Variants in TFB1M observed in about 807,000 individuals in gnomAD.
The protein encoded by TFB1M is dimethyladenosine transferase 1, mitochondrial.
TFB1M carries 27 observed loss-of-function variants against 31.1 expected under a neutral mutation model. The observed-to-expected ratio is 0.87, with a 90% confidence interval of 0.64 to 1.20. TFB1M has a LOEUF of 1.20. Among genes scored for constraint, TFB1M ranks in the 50% most tolerant of loss-of-function variants. TFB1M has a pLI of 0.00. For synonymous variants in TFB1M, 166 were observed against 151.8 expected, an observed-to-expected ratio of 1.09 and a Z score of -0.69; for missense variants, 394 against 418.7, an observed-to-expected ratio of 0.94 and a Z score of 0.51.
intron 5 of TFB1M, among the ~76,000 whole-genome samples, chr6:155,273,058 T>C (rs1418444631): frequency 1.3e-5 from 2 of 152,212 alleles, no homozygotes; most frequent in African/African-American, 4.8e-5. Context: ...GAAGAATCCC[T>C]AAGCTGAAAA....
At chr6:155,290,517 ATAAAT>A (rs1176445551) in intron 4 of TFB1M, among the ~76,000 whole-genome samples, 3 of 152,142 alleles carry the variant, frequency 2.0e-5, no homozygotes, top group African/African-American at 7.2e-5. Flanking sequence ...AAGGCATTCC[ATAAAT>A]TATAGACTCT....
chr6:155,297,065 C>G lies in TFB1M; in HGVS notation c.434G>C (p.Ser145Thr). 1 of 1,613,858 alleles carries G rather than the reference C, an allele frequency of 6.2e-7. No homozygotes were observed. Among genetic ancestry groups the G allele is most frequent in the Non-Finnish European group, 8.5e-7 (1 of 1,179,984 alleles). The change falls in exon 4 of 7, where the codon AGT becomes ACT. Residue 145 changes from serine to threonine, a missense_variant. By Grantham distance (58) the Ser-to-Thr change is moderately conservative (BLOSUM62 1). Transcript: ENST00000367166. ...CTTGATAATCAGTGGAGTTGAAACA[C>G]TAAAAGGCAGATTTCCAATAATATG... ...NVHIIGNLPF[S>T]VSTPLIIKWL...
At chr6:155,306,437 T>C (rs1344128773) in intron 2 of TFB1M, among the ~76,000 whole-genome samples, 2 of 152,158 alleles carry the variant, frequency 1.3e-5, no homozygotes, top group Non-Finnish European at 2.9e-5. Flanking sequence ...CATAAAAGCT[T>C]TATTACAGTA....
chr6:155,261,687 ACAAT>A (rs1034363795), intron 5 of TFB1M, among the ~76,000 whole-genome samples: 62 of 152,144 alleles, frequency 4.1e-4, no homozygotes, highest in African/African-American at 1.5e-3. Context: ...CCCTATTTAA[ACAAT>A]CAATGAGCCT....
intron 5 of TFB1M, chr6:155,276,484 A>T: frequency 9.7e-7 from 1 of 1,031,038 alleles, no homozygotes; most frequent in Non-Finnish European, 1.4e-6. Flanking sequence ...AAGAAAGTAG[A>T]ATGTAAAATA....
At chr6:155,284,018 T>C (rs981042910) in intron 5 of TFB1M, among the ~76,000 whole-genome samples, 3 of 152,236 alleles carry the variant, frequency 2.0e-5, no homozygotes. Flanking sequence ...AAGTCTGAGA[T>C]GCTGAAGGGA....
At chr6:155,307,909 G>GA (rs59955607) in intron 2 of TFB1M, among the ~76,000 whole-genome samples, 297 of 128,176 alleles carry the variant, frequency 2.3e-3, no homozygotes, top group Middle Eastern at 0.012. Flanking sequence ...AAAATAAACA[G>GA]AAAAAAAAAA....
At chr6:155,248,010 C>G in the TFB1M span, 1 of 1,613,998 alleles carries the variant, frequency 6.2e-7, no homozygotes, top group Non-Finnish European at 8.5e-7. Context: ...CTAAAACTGA[C>G]AAAGCCTTCA....
chr6:155,260,331 C>T lies in TFB1M; in HGVS notation c.736G>A (p.Glu246Lys), dbSNP rs1365329640. ...PKIEQPFKLVEKVVQNVFQFR... is the reference protein window; with the variant it reads ...PKIEQPFKLVKKVVQNVFQFR... ...TGAAATACATTCTGAACCACTTTTT[C>T]CACCAGCTTGAATGGCTGCTCTATC... Residue 246 changes from glutamate to lysine, a missense_variant, in exon 6 of 7, where the codon GAA becomes AAA. Glu to Lys is a moderately conservative substitution (Grantham distance 56). Coordinates refer to ENST00000367166, the MANE Select transcript of TFB1M (RefSeq NM_016020.4). The T allele has an allele frequency of 1.9e-6, 3 of 1,614,220 alleles. No individual in the cohort carries two copies. The African/African-American group carries it at 4.0e-5, about 22-fold the overall frequency.
At chr6:155,303,969 C>T (rs1582875616) in intron 2 of TFB1M, among the ~76,000 whole-genome samples, 2 of 152,108 alleles carry the variant, frequency 1.3e-5, no homozygotes, top group Non-Finnish European at 2.9e-5. Flanking sequence ...TGCTCAATCC[C>T]ATGAACTTTC....
At position 155,298,513 on chromosome 6, in the gene TFB1M, C is replaced by G. The variant is rs144355958; in HGVS notation, c.358G>C (p.Ala120Pro). ...GGTCTTTTAAGACTTTCTGAAAAAG[C>G]CTTTTCTACCTTAAATGTCAAGACA... Reference protein sequence around the residue: ...GDVLTFKVEKAFSESLKRPWE... With the variant: ...GDVLTFKVEKPFSESLKRPWE... The change falls in exon 3 of 7, where the codon GCT becomes CCT. Residue 120 changes from alanine to proline, a missense_variant. This residue lies in a region of TFB1M where 273 missense variants were observed against 256.4 expected (regional missense o/e 1.06). Transcript: ENST00000367166. 48 of 1,612,640 alleles carry G rather than the reference C, an allele frequency of 3.0e-5. No homozygotes were observed. The Middle Eastern group carries it at 6.6e-4, about 22-fold the overall frequency.
chr6:155,244,463 T>C, the TFB1M span, among the ~76,000 whole-genome samples: 1 of 152,234 alleles, frequency 6.6e-6, no homozygotes, highest in Non-Finnish European at 1.5e-5. Context: ...TAGAGAATTA[T>C]GGGGGATGGA....
intron 5 of TFB1M, among the ~76,000 whole-genome samples, chr6:155,280,223 A>T (rs752677324): frequency 3.3e-5 from 5 of 152,242 alleles, no homozygotes; most frequent in Non-Finnish European, 7.4e-5. Flanking sequence ...GTAGGAAGCT[A>T]GACAGGATGC....
the TFB1M span, chr6:155,250,038 T>C: frequency 2.5e-6 from 3 of 1,196,826 alleles, no homozygotes; most frequent in African/African-American, 4.6e-5. Flanking sequence ...ACCTTCTAGA[T>C]AGGCTGCCCT....
chr6:155,243,932 G>C, the TFB1M span: 2 of 1,081,936 alleles, frequency 1.8e-6, no homozygotes, highest in Non-Finnish European at 2.8e-6. Flanking sequence ...GGGAGCTGCT[G>C]CCAGGTTGCT....
intron 2 of TFB1M, chr6:155,310,921 CACAAA>C (rs990014034): frequency 1.1e-4 from 47 of 420,288 alleles, no homozygotes; most frequent in African/African-American, 8.8e-4. Context: ...AAAAAAATCA[CACAAA>C]ACAATTAATT....
intron 2 of TFB1M, among the ~76,000 whole-genome samples, chr6:155,306,983 T>C (rs1375665628): frequency 6.6e-6 from 1 of 152,084 alleles, no homozygotes; most frequent in Non-Finnish European, 1.5e-5. Flanking sequence ...CAGCCAGGCA[T>C]GGTGGTGTGC....
At chr6:155,244,792 C>T in the TFB1M span, 27 of 1,599,522 alleles carry the variant, frequency 1.7e-5, no homozygotes, top group Non-Finnish European at 2.3e-5. Flanking sequence ...GAGTAAGTAT[C>T]TCAGATTTAG....
chr6:155,249,737 A>AAT, the TFB1M span: 1 of 761,094 alleles, frequency 1.3e-6, no homozygotes, highest in Non-Finnish European at 2.1e-6. Context: ...TGCTCCTGCT[A>AAT]GTGGGTACTG....
Sources: allele counts gnomAD v4.1 joint callset (sites outside exome capture counted in the v4.1 genomes callset), GRCh38; gene constraint gnomAD v4.1.1; regional missense constraint gnomAD v4.1.1; transcripts MANE v1.5; gene names NCBI Gene and HGNC (gene_info 2026-07-23, HGNC 2026-07-21).